Variants in CAPS observed in about 807,000 individuals in gnomAD.
CAPS encodes calcyphosin.
A neutral mutation model predicts 15.5 loss-of-function variants in CAPS; 16 were observed. That is an observed-to-expected ratio of 1.03 (90% CI 0.70 to 1.57). The LOEUF is 1.57. CAPS is among the 40% of genes most tolerant of loss of function. The probability of loss-of-function intolerance (pLI) is 0.00; values close to 1 mark genes in which losing one functional copy is unlikely to be tolerated. For synonymous variants in CAPS, 121 were observed against 116.0 expected, an observed-to-expected ratio of 1.04 and a Z score of -0.28; for missense variants, 294 against 278.4, an observed-to-expected ratio of 1.06 and a Z score of -0.40.
Position 5,915,257 on chromosome 19 carries a change from G to T in CAPS, c.505G>T (p.Val169Leu). 6.2e-7 allele frequency: 1 copy of T among 1,613,066 alleles called. No individual in the cohort carries two copies. The highest frequency in any genetic ancestry group is 8.5e-7 in the Non-Finnish European group (1 of 1,179,878). The change falls in exon 5 of 5, where the codon GTG becomes TTG. Residue 169 changes from valine (V) to leucine (L), a missense_variant. Coordinates refer to ENST00000588776, the MANE Select transcript of CAPS (RefSeq NM_004058.5). Reference protein sequence around the residue: ...LAEFQDYYSGVSASMNTDEEF... With the variant: ...LAEFQDYYSGLSASMNTDEEF... ...GGAATTCCAGGACTACTACAGCGGC[G>T]TGAGTGCCTCCATGAACACGGATGA...
In CAPS at chr19:5,914,283, C is replaced by T; in HGVS notation, c.-49C>T. The T allele has an allele frequency of 6.3e-7, 1 of 1,581,942 alleles. No individual in the cohort carries two copies. The highest frequency in any genetic ancestry group is 1.8e-5 in the Admixed American group (1 of 54,484). On this transcript the variant is annotated 5_prime_UTR_variant, in exon 1 of 5. Transcript: ENST00000588776. Reference sequence around the variant, plus strand: ...CACAGCTAACACAAGGCCCCGCAGGCAGGACTCTGGGACAGACGCAGGCCA... The same window carrying T: ...CACAGCTAACACAAGGCCCCGCAGGTAGGACTCTGGGACAGACGCAGGCCA...
Position 5,915,488 on chromosome 19 carries a change from C to A in CAPS, c.*166C>A, listed in dbSNP as rs1042595838. ...TGGCTAGACCAGGTCCCTGCCGGTC[C>A]ACCAGGCGGAGGTGGGACAAAGGTC... On this transcript the variant is annotated 3_prime_UTR_variant, in exon 5 of 5. Transcript: ENST00000588776. The A allele has an allele frequency of 8.4e-6, 5 of 592,302 alleles. No homozygotes were observed. Among genetic ancestry groups the A allele is most frequent in the Non-Finnish European group, 1.5e-5 (5 of 335,992 alleles). 36.7% of individuals were successfully genotyped at this position (592,302 alleles called of 1,614,324 possible). A position where few individuals can be genotyped will look rare whatever the true frequency, so the allele number is the denominator to read the frequency against.
In CAPS at chr19:5,915,137, G is replaced by A. The variant is rs2057722129; in HGVS notation, c.459G>A (p.Lys153=). The A allele has an allele frequency of 1.2e-6, 2 of 1,613,162 alleles. No homozygotes were observed. Among genetic ancestry groups the A allele is most frequent in the East Asian group, 4.5e-5 (2 of 44,882 alleles). The part of the protein sequence containing the change: ...RFLDNFDSSE[K]DGQVTLAEFQ... ...TGGACAACTTCGACTCCTCTGAGAAGGACGGGCAGGTGGGTGGCTGCGCGG... is the reference window on the plus strand; with the variant it reads ...TGGACAACTTCGACTCCTCTGAGAAAGACGGGCAGGTGGGTGGCTGCGCGG... Residue 153 remains lysine (K), a synonymous_variant, in exon 4 of 5, where the codon AAG becomes AAA. Coordinates refer to ENST00000588776, the MANE Select transcript of CAPS (RefSeq NM_004058.5).
chr19:5,914,837 G>T, intron 3 of CAPS, 97 bp downstream of exon 3: 1 of 1,539,818 alleles, frequency 6.5e-7, no homozygotes. Flanking sequence ...AAGAGCTGCT[G>T]TTAAGAGGCG....
At position 5,914,481 on chromosome 19, in the gene CAPS, C is replaced by T; in HGVS notation, c.75C>T (p.Gly25=). 6.2e-7 allele frequency: 1 copy of T among 1,611,312 alleles called. No homozygotes were observed. The change falls in exon 2 of 5, where the codon GGC becomes GGT. Residue 25 remains glycine, a synonymous_variant. Coordinates refer to ENST00000588776, the MANE Select transcript of CAPS (RefSeq NM_004058.5). ...CLSRGASGIQ[G]LARFFRQLDR... ...CCCGCGGGGCCTCGGGCATCCAGGGCCTGGCCAGGTGAGCTGTCCCCTCTC... is the reference window on the plus strand; with the variant it reads ...CCCGCGGGGCCTCGGGCATCCAGGGTCTGGCCAGGTGAGCTGTCCCCTCTC...
At chr19:5,914,812 C>G (rs753951369) in intron 3 of CAPS, 72 bp downstream of exon 3, 1 of 1,553,276 alleles carries the variant, frequency 6.4e-7, no homozygotes, top group South Asian at 1.2e-5. Context: ...GATGCGGAGA[C>G]GGGGACTCCT....
At chr19:5,914,914 C>G (rs755031185) in intron 3 of CAPS, 26 bp from the exon 4 acceptor site, 1 of 1,587,694 alleles carries the variant, frequency 6.3e-7, no homozygotes, top group Non-Finnish European at 8.5e-7. Flanking sequence ...CTACCCACCA[C>G]CCCCAGTCAC....
rs770380671 is a variant in CAPS, at chr19:5,914,301, G to A, written c.-31G>A. The A allele has an allele frequency of 1.6e-5, 25 of 1,603,096 alleles. No individual in the cohort carries two copies. Among genetic ancestry groups the A allele is most frequent in the African/African-American group, 8.0e-5 (6 of 74,554 alleles). Reference sequence around the variant, plus strand: ...CCGCAGGCAGGACTCTGGGACAGACGCAGGCCAGGTGAGCATCTGAACAAG... The same window carrying A: ...CCGCAGGCAGGACTCTGGGACAGACACAGGCCAGGTGAGCATCTGAACAAG... On this transcript the variant is annotated 5_prime_UTR_variant, in exon 1 of 5. Transcript: ENST00000588776.
Position 5,914,448 on chromosome 19 carries a change from G to A in CAPS, c.42G>A (p.Gln14=), listed in dbSNP as rs763996695. The A allele has an allele frequency of 1.4e-5, 22 of 1,612,832 alleles. No homozygotes were observed. The South Asian group carries it at 2.2e-4, about 16-fold the overall frequency. Residue 14 remains glutamine, a synonymous_variant, in exon 2 of 5, where the codon CAG becomes CAA. Coordinates refer to ENST00000588776, the MANE Select transcript of CAPS (RefSeq NM_004058.5). ...VDATMEKLRA[Q]CLSRGASGIQ... is the part of the protein sequence containing the mutation. ...CCACCATGGAGAAACTCCGGGCACA[G>A]TGCCTGTCCCGCGGGGCCTCGGGCA...
In CAPS at chr19:5,915,654, C is replaced by T. The variant is rs780146351; in HGVS notation, c.*332C>T. 2.6e-5 allele frequency: 7 copies of T among 268,334 alleles called. No individual in the cohort carries two copies. Among genetic ancestry groups the T allele is most frequent in the Admixed American group, 4.9e-5 (1 of 20,606 alleles). The allele number at this position is 268,334 out of a possible 1,614,324, so 16.6% of individuals were successfully genotyped here. A position where few individuals can be genotyped will look rare whatever the true frequency, so the allele number is the denominator to read the frequency against. ...GCACCCGGACTGCTGCTCCCTGCCC[C>T]TCCCTTGCGGGTCCCCCAGGAAGCC... On this transcript the variant is annotated 3_prime_UTR_variant, in exon 5 of 5. Transcript: ENST00000588776.
In CAPS at chr19:5,914,588, G is replaced by C. The variant is rs200850947; in HGVS notation, c.109G>C (p.Gly37Arg). 1 of 1,611,562 alleles carries C rather than the reference G, an allele frequency of 6.2e-7. No homozygotes were observed. Among genetic ancestry groups the C allele is most frequent in the Non-Finnish European group, 8.5e-7 (1 of 1,178,336 alleles). The change falls in exon 3 of 5, where the codon GGG becomes CGG. Residue 37 changes from glycine (G) to arginine (R), a missense_variant. Gly to Arg is a moderately radical substitution (Grantham distance 125). Transcript: ENST00000588776. The stretch of plus-strand genomic sequence containing the variant: ...GTTTTTCCGCCAACTAGACCGGGAC[G>C]GGAGCAGATCCCTGGACGCTGATGA... Reference protein sequence around the residue: ...ARFFRQLDRDGSRSLDADEFR... With the variant: ...ARFFRQLDRDRSRSLDADEFR...
At chr19:5,914,845 G>C in intron 3 of CAPS, 95 bp from the exon 4 acceptor site, 1 of 1,535,028 alleles carries the variant, frequency 6.5e-7, no homozygotes, top group East Asian at 2.3e-5. Flanking sequence ...CTGTTAAGAG[G>C]CGCCTGCTGG....
In CAPS at chr19:5,915,036, G is replaced by C; in HGVS notation, c.358G>C (p.Gly120Arg). The C allele has an allele frequency of 6.2e-7, 1 of 1,612,716 alleles. No individual in the cohort carries two copies. The highest frequency in any genetic ancestry group is 8.5e-7 in the Non-Finnish European group (1 of 1,179,902). ...DGVVTVDDLR[G>R]VYSGRAHPKV... ...CGTCGTGACGGTGGACGACCTCCGC[G>C]GGGTGTACAGTGGCCGTGCCCACCC... Residue 120 changes from glycine to arginine, a missense_variant, in exon 4 of 5, where the codon GGG (glycine) becomes CGG (arginine). Physicochemically the swap from Gly to Arg is moderately radical, Grantham distance 125. Coordinates refer to ENST00000588776, the MANE Select transcript of CAPS (RefSeq NM_004058.5).
Position 5,915,264 on chromosome 19 carries a change from C to T in CAPS, c.512C>T (p.Ala171Val). ...CAGGACTACTACAGCGGCGTGAGTG[C>T]CTCCATGAACACGGATGAGGAGTTC... is the stretch of plus-strand genomic sequence containing the variant. Reference protein sequence around the residue: ...EFQDYYSGVSASMNTDEEFVA... With the variant: ...EFQDYYSGVSVSMNTDEEFVA... Residue 171 changes from alanine to valine, a missense_variant, in exon 5 of 5, where the codon GCC becomes GTC. Ala to Val is a moderately conservative substitution (Grantham distance 64). Transcript: ENST00000588776. 6.2e-7 allele frequency: 1 copy of T among 1,613,026 alleles called. No homozygotes were observed. The highest frequency in any genetic ancestry group is 8.5e-7 in the Non-Finnish European group (1 of 1,179,872).
chr19:5,914,394 G>C lies in CAPS; in HGVS notation c.-13G>C. The C allele has an allele frequency of 1.2e-6, 2 of 1,613,148 alleles. No homozygotes were observed. Among genetic ancestry groups the C allele is most frequent in the Non-Finnish European group, 1.7e-6 (2 of 1,179,968 alleles). On this transcript the variant is annotated 5_prime_UTR_variant, in exon 2 of 5. Coordinates refer to ENST00000588776, the MANE Select transcript of CAPS (RefSeq NM_004058.5). The stretch of plus-strand genomic sequence containing the variant: ...CCTCTCTCCCTTCCAGCTGCCCAGA[G>C]CCCAGACCAAGCATGGACGCCGTGG...
At position 5,914,432 on chromosome 19, in the gene CAPS, A is replaced by G; in HGVS notation, c.26A>G (p.Glu9Gly). 6.2e-7 allele frequency: 1 copy of G among 1,613,076 alleles called. No individual in the cohort carries two copies. Among genetic ancestry groups the G allele is most frequent in the Non-Finnish European group, 8.5e-7 (1 of 1,179,942 alleles). Residue 9 changes from glutamate to glycine, a missense_variant, in exon 2 of 5, where the codon GAG becomes GGG. By Grantham distance (98) the Glu-to-Gly change is moderately conservative. Coordinates refer to ENST00000588776, the MANE Select transcript of CAPS (RefSeq NM_004058.5). ...ATGGACGCCGTGGATGCCACCATGG[A>G]GAAACTCCGGGCACAGTGCCTGTCC... is the stretch of plus-strand genomic sequence containing the variant. MDAVDATMEKLRAQCLSRG... is the reference protein window; with the variant it reads MDAVDATMGKLRAQCLSRG...
chr19:5,914,564 T>C lies in CAPS; in HGVS notation c.85T>C (p.Phe29Leu), dbSNP rs2057713783. The change falls in exon 3 of 5, where the codon TTT becomes CTT. Residue 29 changes from phenylalanine to leucine, a missense_variant and splice_region_variant. Transcript: ENST00000588776. ...GASGIQGLAR[F>L]FRQLDRDGSR... is the part of the protein sequence containing the mutation. ...TCCAACCGTGTCCCCTGCCTCCAGG[T>C]TTTTCCGCCAACTAGACCGGGACGG... 3 of 1,603,870 alleles carry C rather than the reference T, an allele frequency of 1.9e-6. No individual in the cohort carries two copies. The highest frequency in any genetic ancestry group is 2.6e-6 in the Non-Finnish European group (3 of 1,172,968).
In CAPS at chr19:5,915,333, C is replaced by A. The variant is rs772785086; in HGVS notation, c.*11C>A. On this transcript the variant is annotated 3_prime_UTR_variant, in exon 5 of 5. Coordinates refer to ENST00000588776, the MANE Select transcript of CAPS (RefSeq NM_004058.5). ...GCCTGGCAGCTGTGAGCAGCTCCGG[C>A]TCAGCCCTGCTGCCCTGGCCTGTCA... is the stretch of plus-strand genomic sequence containing the variant. 6 of 1,582,216 alleles carry A rather than the reference C, an allele frequency of 3.8e-6. No individual in the cohort carries two copies. The highest frequency in any genetic ancestry group is 1.1e-5 in the South Asian group (1 of 88,840).
chr19:5,914,979 G>A lies in CAPS; in HGVS notation c.301G>A (p.Ala101Thr), dbSNP rs774570196. 6.2e-7 allele frequency: 1 copy of A among 1,609,868 alleles called. No individual in the cohort carries two copies. The highest frequency in any genetic ancestry group is 8.5e-7 in the Non-Finnish European group (1 of 1,179,926). ...SQAREAVIAA[A>T]FAKLDRSGDG... ...GGCCCGGGAGGCTGTCATCGCAGCTGCATTTGCCAAGCTGGACCGCAGTGG... is the reference window on the plus strand; with the variant it reads ...GGCCCGGGAGGCTGTCATCGCAGCTACATTTGCCAAGCTGGACCGCAGTGG... The change falls in exon 4 of 5, where the codon GCA becomes ACA. Residue 101 changes from alanine to threonine, a missense_variant. Physicochemically the swap from Ala to Thr is moderately conservative, Grantham distance 58. Transcript: ENST00000588776.
Sources: allele counts gnomAD v4.1 joint callset, GRCh38; gene constraint gnomAD v4.1.1; transcripts MANE v1.5; gene names NCBI Gene and HGNC (gene_info 2026-07-23, HGNC 2026-07-21).